The following CTIF variants were observed in gnomAD, a reference collection of about 807,000 sequenced individuals.
CTIF encodes CBP80/20-dependent translation initiation factor.
Under a neutral mutation model 66.0 loss-of-function variants are expected in CTIF, and 21 were observed. The observed-to-expected ratio is 0.32, with a 90% CI of 0.23 to 0.46. The LOEUF (loss-of-function observed/expected upper bound fraction) is 0.46. CTIF is among the 20% of genes least tolerant of loss of function. The pLI is 1.00. For synonymous variants in CTIF, 345 were observed against 326.4 expected (o/e 1.06, Z -0.62); for missense variants, 739 against 812.7 (o/e 0.91, Z 1.10).
rs141933283 is a variant in CTIF, at chr18:48,636,654, C to T, written c.221C>T (p.Ser74Phe). 2.5e-6 allele frequency: 4 copies of T among 1,601,644 alleles called. No individual in the cohort carries two copies. The African/African-American group carries it at 4.0e-5, about 16-fold the overall frequency. ...AGCGAACCGCTGGACAGCAGCTGTT[C>T]CTTCTCCCGAGGGCGAGCCCCCCCA... ...DCSEPLDSSCSFSRGRAPPQQ... is the reference protein window; with the variant it reads ...DCSEPLDSSCFFSRGRAPPQQ... The change falls in exon 3 of 12, where the codon TCC (serine) becomes TTC (phenylalanine). Residue 74 changes from serine to phenylalanine, a missense_variant. This residue lies in a region of CTIF where 529 missense variants were observed against 520.3 expected (regional missense o/e 1.02). Coordinates refer to ENST00000256413, the MANE Select transcript of CTIF (RefSeq NM_014772.3).
At chr18:48,674,075 C>T (rs957731413) in intron 6 of CTIF, among the ~76,000 whole-genome samples, 1 of 152,230 alleles carries the variant, frequency 6.6e-6, no homozygotes, top group Non-Finnish European at 1.5e-5. Flanking sequence ...GTGCCTCTGC[C>T]AAATCTTCCT....
intron 6 of CTIF, among the ~76,000 whole-genome samples, chr18:48,694,030 TAAAAC>T (rs1000782871): frequency 5.3e-5 from 8 of 152,260 alleles, no homozygotes; most frequent in African/African-American, 1.2e-4. Flanking sequence ...TAGTTGCTCT[TAAAAC>T]AGAGCAGTGT....
intron 1 of CTIF, among the ~76,000 whole-genome samples, chr18:48,560,608 A>T (rs909211314): frequency 6.6e-6 from 1 of 151,612 alleles, no homozygotes; most frequent in Non-Finnish European, 1.5e-5. Flanking sequence ...TCTTGTTCTG[A>T]TGCCCAGGCT....
At chr18:48,856,677 C>G (rs1205062646) in intron 10 of CTIF, among the ~76,000 whole-genome samples, 1 of 152,216 alleles carries the variant, frequency 6.6e-6, no homozygotes, top group Non-Finnish European at 1.5e-5. Flanking sequence ...TTGTGTGATT[C>G]TATTTCTATA....
intron 4 of CTIF, 40 bp from the exon 5 acceptor site, chr18:48,664,407 G>A (rs768614701): frequency 1.5e-5 from 23 of 1,545,486 alleles, no homozygotes; most frequent in Non-Finnish European, 2.1e-5. Context: ...CTGGGCTGTT[G>A]CCCTCTTGCC....
intron 1 of CTIF, among the ~76,000 whole-genome samples, chr18:48,554,800 T>TGCAGGCATCTGCCTTGTAGCCTCCC (rs1191108005): frequency 6.6e-6 from 1 of 152,262 alleles, no homozygotes; most frequent in Non-Finnish European, 1.5e-5. Flanking sequence ...CTTGGCCTCC[T>TGCAGGCATCTGCCTTGTAGCCTCCC]GCAGGCATCT....
At chr18:48,628,024 G>A (rs2090633997) in intron 2 of CTIF, among the ~76,000 whole-genome samples, 1 of 152,208 alleles carries the variant, frequency 6.6e-6, no homozygotes, top group Admixed American at 6.5e-5. Flanking sequence ...AGGCAATGGA[G>A]ACTGGGGCCG....
chr18:48,765,677 T>C (rs1909451951), intron 9 of CTIF, among the ~76,000 whole-genome samples: 1 of 152,150 alleles, frequency 6.6e-6, no homozygotes, highest in African/African-American at 2.4e-5. Flanking sequence ...TTAAGGTCCT[T>C]TAACCCTTCC....
chr18:48,548,923 G>C (rs2088819652), intron 1 of CTIF, among the ~76,000 whole-genome samples: 1 of 152,184 alleles, frequency 6.6e-6, no homozygotes, highest in African/African-American at 2.4e-5. Flanking sequence ...AGTGTAAGGT[G>C]GTAAGTATGG....
intron 7 of CTIF, among the ~76,000 whole-genome samples, chr18:48,722,790 A>G (rs2092352306): frequency 6.6e-6 from 1 of 152,048 alleles, no homozygotes; most frequent in African/African-American, 2.4e-5. Flanking sequence ...TCACAGGTGT[A>G]AGCACCCGGC....
intron 1 of CTIF, among the ~76,000 whole-genome samples, chr18:48,594,768 G>C (rs2089959008): frequency 6.6e-6 from 1 of 152,230 alleles, no homozygotes. Context: ...ATTTTTGATA[G>C]ATCGAGAAGA....
intron 9 of CTIF, among the ~76,000 whole-genome samples, chr18:48,770,636 G>T (rs1265857542): frequency 1.3e-5 from 2 of 152,262 alleles, no homozygotes; most frequent in Non-Finnish European, 2.9e-5. Flanking sequence ...ACAGGTGTGG[G>T]TCGTGCCCCC....
intron 3 of CTIF, among the ~76,000 whole-genome samples, chr18:48,647,965 G>C (rs928996273): frequency 6.6e-6 from 1 of 152,170 alleles, no homozygotes; most frequent in Non-Finnish European, 1.5e-5. Context: ...TGTTGGAATG[G>C]GGGGTGTTGA....
chr18:48,845,359 A>T (rs1038065914), intron 10 of CTIF, among the ~76,000 whole-genome samples: 1 of 152,046 alleles, frequency 6.6e-6, no homozygotes, highest in African/African-American at 2.4e-5. Flanking sequence ...TAATCACCAA[A>T]TCCAGGGGAC....
At chr18:48,752,864 C>T (rs533845125) in intron 7 of CTIF, among the ~76,000 whole-genome samples, 90 of 152,348 alleles carry the variant, frequency 5.9e-4, no homozygotes, top group African/African-American at 2.1e-3. Context: ...ACCATGATGT[C>T]CCTTGGTTGA....
chr18:48,626,651 T>TTTTG (rs746527262), intron 2 of CTIF, among the ~76,000 whole-genome samples: 5,601 of 130,218 alleles, frequency 0.043, 139 homozygotes, highest in Non-Finnish European at 0.064. Context: ...GGCCGTTTTT[T>TTTTG]TTTTGTTTTT....
intron 10 of CTIF, among the ~76,000 whole-genome samples, chr18:48,835,708 C>G (rs146309564): frequency 2.1e-4 from 32 of 152,274 alleles, no homozygotes; most frequent in Admixed American, 1.8e-3. Context: ...TGATCTCCCC[C>G]CTCTGGCGTG....
intron 6 of CTIF, among the ~76,000 whole-genome samples, chr18:48,707,443 C>A (rs2092171225): frequency 1.3e-5 from 2 of 152,162 alleles, no homozygotes; most frequent in African/African-American, 4.8e-5. Context: ...CGCATCTTAA[C>A]AGATAATGTT....
chr18:48,852,826 T>G (rs1004282453), intron 10 of CTIF, among the ~76,000 whole-genome samples: 3 of 152,358 alleles, frequency 2.0e-5, no homozygotes, highest in African/African-American at 7.2e-5. Flanking sequence ...TCAGAGGGTT[T>G]TGGACACTTC....
Sources: gnomAD v4.1 joint callset for allele counts (sites outside exome capture counted in the v4.1 genomes callset) on GRCh38, gnomAD v4.1.1 for gene constraint, gnomAD v4.1.1 regional missense constraint, MANE v1.5 for transcripts, NCBI Gene and HGNC (gene_info 2026-07-23, HGNC 2026-07-21) for gene names.